BRIP1: variants seen among roughly 807,000 people sequenced by gnomAD.
BRIP1 encodes the protein Fanconi anemia group J protein.
BRIP1 carries 88 observed loss-of-function variants against 119.7 expected under a neutral mutation model. The ratio of observed to expected loss-of-function variants is 0.74; its 90% CI spans 0.62 to 0.88. BRIP1 has a LOEUF of 0.88. Among genes scored for constraint, BRIP1 ranks in the 40% least tolerant of loss-of-function variants. The pLI, the probability that BRIP1 is intolerant of heterozygous loss-of-function variation, is 0.00. For missense variants in BRIP1, 1,259 were observed against 1,455.4 expected, an observed-to-expected ratio of 0.87 and a Z score of 2.20; for synonymous variants, 443 against 496.5, an observed-to-expected ratio of 0.89 and a Z score of 1.43.
intron 17 of BRIP1, among the ~76,000 whole-genome samples, chr17:61,715,413 ATG>A (rs1355880058): frequency 6.6e-6 from 1 of 152,116 alleles, no homozygotes; most frequent in Non-Finnish European, 1.5e-5. Context: ...TAGAAGCAGA[ATG>A]AAAAATTGTG....
At chr17:61,818,984 G>A (rs1290070996) in intron 6 of BRIP1, among the ~76,000 whole-genome samples, 1 of 151,920 alleles carries the variant, frequency 6.6e-6, no homozygotes, top group African/African-American at 2.4e-5. Flanking sequence ...TCAGTAGTTC[G>A]AGACCAGCCT....
intron 17 of BRIP1, among the ~76,000 whole-genome samples, chr17:61,711,384 T>TA (rs1567751972): frequency 2.0e-5 from 3 of 151,522 alleles, no homozygotes; most frequent in African/African-American, 7.3e-5. Flanking sequence ...ATATTAAAAT[T>TA]CAAAAAAAAA....
intron 3 of BRIP1, among the ~76,000 whole-genome samples, chr17:61,858,168 T>A (rs1442235464): frequency 6.6e-6 from 1 of 152,166 alleles, no homozygotes; most frequent in Non-Finnish European, 1.5e-5. Flanking sequence ...GTACAATTCA[T>A]ATACCCCCAA....
rs887517538 is a variant in BRIP1, at chr17:61,680,768, C to T, written c.*2528G>A. ...TGCTGGGATTACAGGCGTGAGCCAC[C>T]GCGCCTGGCCCTAAAGGTAATTTTA... On this transcript the variant is annotated 3_prime_UTR_variant, in exon 20 of 20. Transcript: ENST00000259008. Among the ~76,000 whole-genome samples the T allele has an allele frequency of 2.0e-5, 3 of 152,132 alleles. No individual in the cohort carries two copies. Among genetic ancestry groups the T allele is most frequent in the Admixed American group, 6.5e-5 (1 of 15,272 alleles).
intron 17 of BRIP1, among the ~76,000 whole-genome samples, chr17:61,711,033 C>CAA (rs11308154): frequency 1.3e-3 from 149 of 110,548 alleles, no homozygotes; most frequent in Admixed American, 7.4e-3. Context: ...GACTCCATCT[C>CAA]AAAAAAAAAA....
chr17:61,807,288 G>C lies in BRIP1; in HGVS notation c.918+1179C>G, dbSNP rs1009096258. The stretch of plus-strand genomic sequence containing the variant: ...AAGTTTTTTAATATACAGAGTAAAG[G>C]AATTTCACAATTCCTCAGTTAGTTA... On this transcript the variant is annotated intron_variant, in intron 7 of 19. Coordinates refer to ENST00000259008, the MANE Select transcript of BRIP1 (RefSeq NM_032043.3). The surrounding 1 kb of genome is among the most constrained non-coding windows in gnomAD (Gnocchi z 4.5). Among the ~76,000 whole-genome samples the C allele has an allele frequency of 1.4e-4, 22 of 152,208 alleles. No individual in the cohort carries two copies. The highest frequency in any genetic ancestry group is 4.8e-4 in the African/African-American group (20 of 41,542).
intron 6 of BRIP1, among the ~76,000 whole-genome samples, chr17:61,829,039 A>G (rs1027684361): frequency 2.0e-5 from 3 of 152,190 alleles, no homozygotes; most frequent in Non-Finnish European, 2.9e-5. Context: ...ATTAATTCAA[A>G]GAAGACAGAA....
In BRIP1 at chr17:61,680,480, C is replaced by CTCTTT. The variant is rs1555571893; in HGVS notation, c.*2815_*2816insAAAGA. ...AGTTTACCAATTCTAAAGGTAATTT[C>CTCTTT]TTTTTTTTTTTTTTTTTGAGACGGA... is the stretch of plus-strand genomic sequence containing the variant. On this transcript the variant is annotated 3_prime_UTR_variant, in exon 20 of 20. Transcript: ENST00000259008. 2.4e-4 allele frequency among the ~76,000 whole-genome samples: 30 copies of CTCTTT among 124,072 alleles called. No homozygotes were observed. Among genetic ancestry groups the CTCTTT allele is most frequent in the African/African-American group, 8.5e-4 (27 of 31,738 alleles). 81.4% of individuals were successfully genotyped at this position (124,072 alleles called of 152,430 possible). A position where few individuals can be genotyped will look rare whatever the true frequency, so the allele number is the denominator to read the frequency against.
In BRIP1 at chr17:61,775,014, T is replaced by A. The variant is rs548880045; in HGVS notation, c.2097+1387A>T. Among the ~76,000 whole-genome samples the A allele has an allele frequency of 4.3e-4, 65 of 152,276 alleles. No individual in the cohort carries two copies. The highest frequency in any genetic ancestry group is 1.6e-3 in the African/African-American group (65 of 41,570). ...ATCGCTTACATAACTGTGGAGTGAG[T>A]ACAGTTTCCATAATCCCATAAATAA... On this transcript the variant is annotated intron_variant, in intron 14 of 19. Coordinates refer to ENST00000259008, the MANE Select transcript of BRIP1 (RefSeq NM_032043.3). This position sits in a 1 kb window ranked among gnomAD's most constrained non-coding sequence, Gnocchi z 4.4.
chr17:61,785,209 T>C (rs1479756351), intron 10 of BRIP1, among the ~76,000 whole-genome samples: 1 of 152,166 alleles, frequency 6.6e-6, no homozygotes, highest in Non-Finnish European at 1.5e-5. Context: ...CTGAGAATAA[T>C]ATGACTACAT....
rs1064793669 is a variant in BRIP1 at position 61,744,606 on chromosome 17, GA to G, written c.2098-16del. The G allele has an allele frequency of 4.3e-6, 7 of 1,609,218 alleles. No individual in the cohort carries two copies. In the African/African-American group the frequency reaches 8.0e-5, roughly 18 times the overall value. On this transcript the variant is annotated splice_polypyrimidine_tract_variant and intron_variant, in intron 14 of 19. Transcript: ENST00000259008. This position sits in a 1 kb window ranked among gnomAD's most constrained non-coding sequence, Gnocchi z 5.0. The stretch of plus-strand genomic sequence containing the variant: ...TTTTCTAATAACTAAAGAGGGGAAA[GA>G]AAAAAATGATTTTTTGTGTGTCTAG...
chr17:61,685,671 T>C, intron 19 of BRIP1, 165 bp downstream of exon 19: 1 of 664,906 alleles, frequency 1.5e-6, no homozygotes, highest in Admixed American at 3.0e-5. Context: ...CTGACAAAAG[T>C]TTGTTCCCAT....
rs764848326 is a variant in BRIP1 at position 61,683,479 on chromosome 17, A to G, written c.3567T>C (p.Asp1189=). Residue 1189 remains aspartate, a synonymous_variant, in exon 20 of 20, where the codon GAT becomes GAC. Coordinates refer to ENST00000259008, the MANE Select transcript of BRIP1 (RefSeq NM_032043.3). The surrounding 1 kb of genome is among the most constrained non-coding windows in gnomAD (Gnocchi z 4.7). ...VDSAREVKAE[D]CIDTKLNGIL... ...TTCCATTCAACTTTGTATCTATGCA[A>G]TCCTCAGCTTTCACTTCTCTGGCTG... 1.3e-5 allele frequency: 21 copies of G among 1,613,452 alleles called. No individual in the cohort carries two copies. The East Asian group carries it at 4.2e-4, about 33-fold the overall frequency.
Position 61,684,065 on chromosome 17 carries a change from T to C in BRIP1, c.2981A>G (p.Asn994Ser). ...VISRSTSPTF[N>S]KQTKRVSWSS... ...CCAGCTAACTCTCTTTGTTTGTTTG[T>C]TGAAAGTTGGGCTTGTGGATCTGGA... The change falls in exon 20 of 20, where the codon AAC (asparagine) becomes AGC (serine). Residue 994 changes from asparagine to serine, a missense_variant. Physicochemically the swap from Asn to Ser is conservative, Grantham distance 46. This residue lies in a region of BRIP1 where 753 missense variants were observed against 891.8 expected (regional missense o/e 0.84). Coordinates refer to ENST00000259008, the MANE Select transcript of BRIP1 (RefSeq NM_032043.3). The surrounding 1 kb of genome is among the most constrained non-coding windows in gnomAD (Gnocchi z 4.5). 1 of 1,613,778 alleles carries C rather than the reference T, an allele frequency of 6.2e-7. No homozygotes were observed. Among genetic ancestry groups the C allele is most frequent in the Non-Finnish European group, 8.5e-7 (1 of 1,179,934 alleles).
rs1016738003 is a variant in BRIP1 at position 61,841,419 on chromosome 17, A to T, written c.627+5682T>A. On this transcript the variant is annotated intron_variant, in intron 6 of 19. Transcript: ENST00000259008. This position sits in a 1 kb window ranked among gnomAD's most constrained non-coding sequence, Gnocchi z 4.1. ...TGTGAATAAACATTTCTCAAAAGAT[A>T]CATAAAGCCAACAAGAACATGAAAA... is the stretch of plus-strand genomic sequence containing the variant. Among the ~76,000 whole-genome samples the T allele has an allele frequency of 6.6e-6, 1 of 152,192 alleles. No individual in the cohort carries two copies. The highest frequency in any genetic ancestry group is 1.9e-4 in the East Asian group (1 of 5,198).
At chr17:61,733,355 A>C (rs1429778639) in intron 16 of BRIP1, among the ~76,000 whole-genome samples, 3 of 152,158 alleles carry the variant, frequency 2.0e-5, no homozygotes, top group Non-Finnish European at 2.9e-5. Context: ...CTGTCTCAAA[A>C]AAAATTTTTT....
At chr17:61,817,435 T>C (rs561771640) in intron 6 of BRIP1, among the ~76,000 whole-genome samples, 1 of 152,352 alleles carries the variant, frequency 6.6e-6, no homozygotes, top group South Asian at 2.1e-4. Context: ...AAAACAATGC[T>C]ATCCTATCAT....
rs184178114 is a variant in BRIP1 at position 61,726,406 on chromosome 17, G to A, written c.2380-10343C>T. 1.6e-4 allele frequency among the ~76,000 whole-genome samples: 24 copies of A among 152,248 alleles called. No individual in the cohort carries two copies. Among genetic ancestry groups the A allele is most frequent in the African/African-American group, 4.6e-4 (19 of 41,528 alleles). ...GTTTCAGTGGACTTTAAATGCTGTC[G>A]TAATATATTGCTGCATGGTATGTGA... On this transcript the variant is annotated intron_variant, in intron 16 of 19. Coordinates refer to ENST00000259008, the MANE Select transcript of BRIP1 (RefSeq NM_032043.3). The surrounding 1 kb of genome is among the most constrained non-coding windows in gnomAD (Gnocchi z 6.2).
Position 61,780,261 on chromosome 17 carries a change from C to G in BRIP1, c.1935G>C (p.Gln645His), listed in dbSNP as rs1254051324. 2 of 1,611,894 alleles carry G rather than the reference C, an allele frequency of 1.2e-6. No homozygotes were observed. Among genetic ancestry groups the G allele is most frequent in the African/African-American group, 2.7e-5 (2 of 74,780 alleles). ...TCCAAAAAAAAAAACAACAACTAAC[C>G]TGTGAATTTTTAATGATATGATTAG... Reference protein sequence around the residue: ...LEANHIIKNSQVWVGTIGSGP... With the variant: ...LEANHIIKNSHVWVGTIGSGP... The change falls in exon 13 of 20, where the codon CAG becomes CAC. Residue 645 changes from glutamine to histidine, a missense_variant and splice_region_variant. Gln to His is a conservative substitution (Grantham distance 24). Around this residue, in one of 3 missense-constraint regions of BRIP1, gnomAD observed 753 missense variants for 891.8 expected, o/e 0.84. Coordinates refer to ENST00000259008, the MANE Select transcript of BRIP1 (RefSeq NM_032043.3). The surrounding 1 kb of genome is among the most constrained non-coding windows in gnomAD (Gnocchi z 5.4).
Sources: allele counts gnomAD v4.1 joint callset (sites outside exome capture counted in the v4.1 genomes callset), GRCh38; gene constraint gnomAD v4.1.1; regional missense constraint gnomAD v4.1.1; non-coding constraint Gnocchi (gnomAD v3.1); transcripts MANE v1.5; gene names NCBI Gene and HGNC (gene_info 2026-07-23, HGNC 2026-07-21).